Variants in C19orf12 observed in about 807,000 individuals in gnomAD.
C19orf12 encodes the protein protein C19orf12.
In C19orf12, 2 loss-of-function variants were observed where a neutral mutation model predicts 3.8. The observed-to-expected ratio is 0.53, with a 90% CI of 0.22 to 1.66. The LOEUF is 1.66. Ranked by LOEUF, C19orf12 falls within the 40% of genes most tolerant of loss-of-function variation. C19orf12 has a pLI of 0.20. For synonymous variants in C19orf12, 89 were observed against 84.6 expected (o/e 1.05, Z -0.28); for missense variants, 156 against 188.8 (o/e 0.83, Z 1.02).
In C19orf12 at chr19:29,699,745, C is replaced by T. The variant is rs754972739; in HGVS notation, c.*2967G>A. 6 of 453,908 alleles carry T rather than the reference C, an allele frequency of 1.3e-5. No individual in the cohort carries two copies. The highest frequency in any genetic ancestry group is 9.3e-5 in the South Asian group (6 of 64,478). The allele number at this position is 453,908 out of a possible 1,614,324, so 28.1% of individuals were successfully genotyped here. ...TGGTAACAGTGGCTGCCTCTGGGGT[C>T]GGCATAGGAGCAGGCCTTCCCTTGC... is the stretch of plus-strand genomic sequence containing the variant. On this transcript the variant is annotated 3_prime_UTR_variant, in exon 3 of 3. Transcript: ENST00000323670.
At position 29,704,497 on chromosome 19, in the gene C19orf12, G is replaced by GC. The variant is rs1972274758; in HGVS notation, c.161-1521dup. Among the ~76,000 whole-genome samples the GC allele has an allele frequency of 2.6e-5, 4 of 152,276 alleles. No individual in the cohort carries two copies. In the South Asian group the frequency reaches 8.3e-4, roughly 32 times the overall value. On this transcript the variant is annotated intron_variant, in intron 2 of 2. Transcript: ENST00000323670. ...AAAAATAAATATCAAATGTAAGGTA[G>GC]CTTACTATTTCTACTTCTGCCACCC...
chr19:29,711,890 C>G (rs1224278089), intron 1 of C19orf12, among the ~76,000 whole-genome samples: 1 of 152,144 alleles, frequency 6.6e-6, no homozygotes. Flanking sequence ...TCCAGCCAGG[C>G]CAGCATCAAT....
Position 29,702,594 on chromosome 19 carries a change from C to T in C19orf12, c.*118G>A, listed in dbSNP as rs1023632518. 2.5e-5 allele frequency: 34 copies of T among 1,338,852 alleles called. No homozygotes were observed. Among genetic ancestry groups the T allele is most frequent in the Middle Eastern group, 2.6e-4 (1 of 3,900 alleles). 82.9% of individuals were successfully genotyped at this position (1,338,852 alleles called of 1,614,324 possible). On this transcript the variant is annotated 3_prime_UTR_variant, in exon 3 of 3. Transcript: ENST00000323670. The stretch of plus-strand genomic sequence containing the variant: ...CTCCAGCGGGACATTACTAGTAATA[C>T]ACTGATGATGTGGAGATTCCCCAGG...
intron 1 of C19orf12, among the ~76,000 whole-genome samples, chr19:29,713,165 C>T (rs1451704788): frequency 6.6e-6 from 1 of 152,176 alleles, no homozygotes; most frequent in Non-Finnish European, 1.5e-5. Context: ...GCTCCTTCTC[C>T]CACCGCAAGG....
Position 29,699,437 on chromosome 19 carries a change from C to A in C19orf12, c.*3275G>T, listed in dbSNP as rs973192553. The A allele has an allele frequency of 1.7e-5, 7 of 401,700 alleles. No homozygotes were observed. Among genetic ancestry groups the A allele is most frequent in the Non-Finnish European group, 3.3e-5 (7 of 209,216 alleles). The allele number at this position is 401,700 out of a possible 1,614,324, so 24.9% of individuals were successfully genotyped here. Reference sequence around the variant, plus strand: ...GGCAGAGCTTGCAGTGAACCAAGATCGCGCTACTGCACTCCAGCCCGGGCG... The same window carrying A: ...GGCAGAGCTTGCAGTGAACCAAGATAGCGCTACTGCACTCCAGCCCGGGCG... On this transcript the variant is annotated 3_prime_UTR_variant, in exon 3 of 3. Transcript: ENST00000323670.
rs767675471 is a variant in C19orf12 at position 29,701,527 on chromosome 19, A to C, written c.*1185T>G. 2.2e-6 allele frequency: 1 copy of C among 454,048 alleles called. No individual in the cohort carries two copies. Among genetic ancestry groups the C allele is most frequent in the African/African-American group, 2.0e-5 (1 of 50,018 alleles). The allele number at this position is 454,048 out of a possible 1,614,324, so 28.1% of individuals were successfully genotyped here. A position where few individuals can be genotyped will look rare whatever the true frequency, so the allele number is the denominator to read the frequency against. On this transcript the variant is annotated 3_prime_UTR_variant, in exon 3 of 3. Coordinates refer to ENST00000323670, the MANE Select transcript of C19orf12 (RefSeq NM_031448.6). ...CAATTTCTTTTTTCAAATATTTCCTATCCAAGGCTGGTTGGATCTAAATGT... is the reference window on the plus strand; with the variant it reads ...CAATTTCTTTTTTCAAATATTTCCTCTCCAAGGCTGGTTGGATCTAAATGT...
intron 1 of C19orf12, 123 bp downstream of exon 1, chr19:29,715,002 G>T (rs750680989): frequency 1.4e-6 from 1 of 710,814 alleles, no homozygotes; most frequent in East Asian, 2.7e-5. Flanking sequence ...CCGGGCTCCC[G>T]GCAGGGCGGG....
At chr19:29,712,853 C>T (rs151140948) in intron 1 of C19orf12, among the ~76,000 whole-genome samples, 2 of 152,300 alleles carry the variant, frequency 1.3e-5, no homozygotes, top group African/African-American at 4.8e-5. Flanking sequence ...GACAATGAGG[C>T]AGGTTTCACT....
rs767334283 is a variant in C19orf12 at position 29,699,583 on chromosome 19, G to C, written c.*3129C>G. ...CAAATCTGTTACCAGCAGTTTTCTG[G>C]GTTGTGAAATTTGTAGTTTTTATTT... On this transcript the variant is annotated 3_prime_UTR_variant, in exon 3 of 3. Coordinates refer to ENST00000323670, the MANE Select transcript of C19orf12 (RefSeq NM_031448.6). 2.2e-6 allele frequency: 1 copy of C among 452,044 alleles called. No individual in the cohort carries two copies. The highest frequency in any genetic ancestry group is 1.6e-5 in the South Asian group (1 of 64,316). The allele number at this position is 452,044 out of a possible 1,614,324, so 28.0% of individuals were successfully genotyped here.
At chr19:29,707,889 T>G (rs1344604227) in intron 2 of C19orf12, among the ~76,000 whole-genome samples, 1 of 151,124 alleles carries the variant, frequency 6.6e-6, no homozygotes, top group East Asian at 1.9e-4. Flanking sequence ...TTTTTTTCTT[T>G]GAGATAGAGT....
Position 29,701,408 on chromosome 19 carries a change from C to T in C19orf12, c.*1304G>A. 1 of 454,028 alleles carries T rather than the reference C, an allele frequency of 2.2e-6. No homozygotes were observed. The highest frequency in any genetic ancestry group is 4.4e-6 in the Non-Finnish European group (1 of 226,780). The allele number at this position is 454,028 out of a possible 1,614,324, so 28.1% of individuals were successfully genotyped here. A position where few individuals can be genotyped will look rare whatever the true frequency, so the allele number is the denominator to read the frequency against. On this transcript the variant is annotated 3_prime_UTR_variant, in exon 3 of 3. Transcript: ENST00000323670. ...ATCATCTCTAGATTTCTTATAATAC[C>T]AAATACAATATAAATGCTATGTAAA...
chr19:29,706,914 C>T (rs1233429736), intron 2 of C19orf12, among the ~76,000 whole-genome samples: 2 of 152,228 alleles, frequency 1.3e-5, no homozygotes, highest in East Asian at 3.8e-4. Flanking sequence ...TGGGCCACAG[C>T]CCCAGGCCAG....
At chr19:29,714,274 C>A (rs1438830613) in intron 1 of C19orf12, among the ~76,000 whole-genome samples, 3 of 152,102 alleles carry the variant, frequency 2.0e-5, no homozygotes, top group African/African-American at 7.2e-5. Flanking sequence ...GCAGGTGGAT[C>A]GCAAGGTCAG....
At position 29,702,621 on chromosome 19, in the gene C19orf12, G is replaced by A. The variant is rs1972154214; in HGVS notation, c.*91C>T. 1.3e-6 allele frequency: 2 copies of A among 1,535,706 alleles called. No individual in the cohort carries two copies. The highest frequency in any genetic ancestry group is 2.7e-5 in the African/African-American group (2 of 73,330). ...CTGATGATGTGGAGATTCCCCAGGGGGCATCCGCTGGGCTTCTCCCAACTC... is the reference window on the plus strand; with the variant it reads ...CTGATGATGTGGAGATTCCCCAGGGAGCATCCGCTGGGCTTCTCCCAACTC... On this transcript the variant is annotated 3_prime_UTR_variant, in exon 3 of 3. Coordinates refer to ENST00000323670, the MANE Select transcript of C19orf12 (RefSeq NM_031448.6).
chr19:29,709,946 A>G (rs1371157471), intron 1 of C19orf12, among the ~76,000 whole-genome samples: 1 of 151,986 alleles, frequency 6.6e-6, no homozygotes, highest in Non-Finnish European at 1.5e-5. Context: ...ATCATGGCTG[A>G]CTGCAGCCTT....
At chr19:29,704,734 C>T (rs116364751) in intron 2 of C19orf12, among the ~76,000 whole-genome samples, 1,539 of 152,236 alleles carry the variant, frequency 0.01, 26 homozygotes, top group African/African-American at 0.036. Context: ...AGTGAAGGGG[C>T]GGTTGGGCCT....
At chr19:29,708,557 T>C in intron 1 of C19orf12, 134 bp from the exon 2 acceptor site, 2 of 1,115,094 alleles carry the variant, frequency 1.8e-6, no homozygotes, top group Non-Finnish European at 2.7e-6. Context: ...AGCGCCTGTA[T>C]GACAGACAGC....
intron 2 of C19orf12, chr19:29,705,402 CAAAAAAAAAAA>C (rs34101444): frequency 9.9e-5 from 11 of 111,052 alleles, no homozygotes; most frequent in East Asian, 2.5e-4. Context: ...ATCCTGAAAC[CAAAAAAAAAAA>C]AAAAAAAAAA....
At chr19:29,704,061 A>G (rs1053326416) in intron 2 of C19orf12, among the ~76,000 whole-genome samples, 10 of 152,298 alleles carry the variant, frequency 6.6e-5, no homozygotes, top group African/African-American at 2.4e-4. Flanking sequence ...CTTGCCCCTG[A>G]ACTTAGAAAA....
Sources: allele counts gnomAD v4.1 joint callset (sites outside exome capture counted in the v4.1 genomes callset), GRCh38; gene constraint gnomAD v4.1.1; transcripts MANE v1.5; gene names NCBI Gene and HGNC (gene_info 2026-07-23, HGNC 2026-07-21).